NRG3: variants seen among roughly 807,000 people sequenced by gnomAD.
NRG3 encodes neuregulin 3, also known as pro-neuregulin-3, membrane-bound isoform.
A neutral mutation model predicts 66.9 loss-of-function variants in NRG3; 31 were observed. That is an observed-to-expected ratio of 0.46 (90% CI 0.35 to 0.63). The LOEUF (loss-of-function observed/expected upper bound fraction) is 0.63, where lower values mean the gene tolerates loss of function less well. Among genes scored for constraint, NRG3 ranks in the 20% least tolerant of loss-of-function variants. NRG3 has a pLI of 0.00. For missense variants in NRG3, 910 were observed against 878.9 expected (o/e 1.04, Z -0.45); for synonymous variants, 393 against 359.4 (o/e 1.09, Z -1.06).
At chr10:82,174,132 C>T (rs1331060927) in intron 1 of NRG3, among the ~76,000 whole-genome samples, 1 of 152,032 alleles carries the variant, frequency 6.6e-6, no homozygotes, top group Admixed American at 6.6e-5. Context: ...AGAAGAACTG[C>T]TTCTAAAACC....
At chr10:82,881,752 C>T (rs955718868) in intron 4 of NRG3, among the ~76,000 whole-genome samples, 1 of 152,098 alleles carries the variant, frequency 6.6e-6, no homozygotes, top group African/African-American at 2.4e-5. Flanking sequence ...CAATGTCCAC[C>T]GCTGATGGTT....
rs1399734325 is a variant in NRG3 at position 82,772,303 on chromosome 10, T to C, written c.1027+33653T>C. 8.4e-5 allele frequency among the ~76,000 whole-genome samples: 5 copies of C among 59,860 alleles called. No individual in the cohort carries two copies. In the East Asian group the frequency reaches 2.7e-3, roughly 32 times the overall value. 39.3% of individuals were successfully genotyped at this position (59,860 alleles called of 152,430 possible). A position where few individuals can be genotyped will look rare whatever the true frequency, so the allele number is the denominator to read the frequency against. On this transcript the variant is annotated intron_variant, in intron 3 of 8. Transcript: ENST00000372141. Reference sequence around the variant, plus strand: ...GGAGTCAGAAAACATATAGTTACTTTTCATTCATTCATTCATTCATTCATT... The same window carrying C: ...GGAGTCAGAAAACATATAGTTACTTCTCATTCATTCATTCATTCATTCATT...
chr10:82,332,698 G>A (rs990586113), intron 1 of NRG3, among the ~76,000 whole-genome samples: 8 of 152,162 alleles, frequency 5.3e-5, no homozygotes, highest in Non-Finnish European at 1.0e-4. Context: ...ACTGGCATGA[G>A]ATCAATATCA....
In NRG3 at chr10:82,123,016, A is replaced by AC. The variant is rs1554829312; in HGVS notation, c.824-235722dup. Reference sequence around the variant, plus strand: ...ATTACTTTGGCAGTGAAAAAAAAAAACACATAAGAACACCAAGTGAAAAGC... The same window carrying AC: ...ATTACTTTGGCAGTGAAAAAAAAAAACCACATAAGAACACCAAGTGAAAAGC... On this transcript the variant is annotated intron_variant, in intron 1 of 8. Coordinates refer to ENST00000372141, the MANE Select transcript of NRG3 (RefSeq NM_001010848.4). 1.0e-4 allele frequency among the ~76,000 whole-genome samples: 15 copies of AC among 149,904 alleles called. 1 individual carries two copies. Among genetic ancestry groups the AC allele is most frequent in the Admixed American group, 7.3e-4 (11 of 15,012 alleles).
At chr10:82,399,417 T>A (rs1250410777) in intron 2 of NRG3, among the ~76,000 whole-genome samples, 1 of 152,208 alleles carries the variant, frequency 6.6e-6, no homozygotes, top group Non-Finnish European at 1.5e-5. Flanking sequence ...ACTAGGAGTA[T>A]CAATAGGCAA....
At chr10:82,128,974 C>T (rs990598974) in intron 1 of NRG3, among the ~76,000 whole-genome samples, 5 of 151,734 alleles carry the variant, frequency 3.3e-5, no homozygotes, top group Admixed American at 2.6e-4. Context: ...AGTGCAGTGG[C>T]GTGATATCGG....
At chr10:82,047,466 AT>A (rs1273233453) in intron 1 of NRG3, among the ~76,000 whole-genome samples, 2 of 152,116 alleles carry the variant, frequency 1.3e-5, no homozygotes, top group Non-Finnish European at 2.9e-5. Flanking sequence ...AAAGGAAAGA[AT>A]TTTCAACCCA....
intron 1 of NRG3, among the ~76,000 whole-genome samples, chr10:82,338,763 G>A (rs2082523193): frequency 3.9e-5 from 6 of 152,124 alleles, no homozygotes; most frequent in Non-Finnish European, 5.9e-5. Context: ...TTTAGGCTTC[G>A]TGAAACCCCA....
At chr10:81,877,641 A>G in intron 1 of NRG3, 1 of 1,197,198 alleles carries the variant, frequency 8.4e-7, no homozygotes, top group Non-Finnish European at 1.0e-6. Context: ...AAAAAAGCAA[A>G]CCTACTTTGC....
chr10:82,822,232 C>T lies in NRG3; in HGVS notation c.1028-43179C>T, dbSNP rs138507914. On this transcript the variant is annotated intron_variant, in intron 3 of 8. Coordinates refer to ENST00000372141, the MANE Select transcript of NRG3 (RefSeq NM_001010848.4). ...ACCTGCCCAAAGAATAATGTGGGAC[C>T]GTGCTTCAGCACCACATTCCAGAAC... Among the ~76,000 whole-genome samples the T allele has an allele frequency of 3.5e-3, 538 of 152,188 alleles. 6 individuals are homozygous for T. The highest frequency in any genetic ancestry group is 4.3e-3 in the Admixed American group (65 of 15,282).
chr10:82,479,645 CAA>C (rs968746811), intron 2 of NRG3, among the ~76,000 whole-genome samples: 20 of 101,970 alleles, frequency 2.0e-4, no homozygotes, highest in Non-Finnish European at 3.0e-4. Context: ...GCATGGACAA[CAA>C]GAGCAAAACT....
intron 1 of NRG3, among the ~76,000 whole-genome samples, chr10:81,907,874 G>C (rs986886944): frequency 6.6e-6 from 1 of 152,256 alleles, no homozygotes; most frequent in South Asian, 2.1e-4. Context: ...TTTGATATTA[G>C]AGATGGTATC....
intron 2 of NRG3, among the ~76,000 whole-genome samples, chr10:82,481,097 C>T (rs1373897872): frequency 6.6e-6 from 1 of 152,212 alleles, no homozygotes; most frequent in Admixed American, 6.5e-5. Flanking sequence ...CTGTCATTCC[C>T]AGCTACCATC....
chr10:82,139,913 T>G (rs1451852756), intron 1 of NRG3, among the ~76,000 whole-genome samples: 1 of 36,720 alleles, frequency 2.7e-5, no homozygotes, highest in Non-Finnish European at 5.6e-5. Context: ...ATCACCAGAT[T>G]TGTTAGTCTC....
intron 3 of NRG3, among the ~76,000 whole-genome samples, chr10:82,832,804 T>TTGTGTGTGTG (rs139438548): frequency 3.2e-4 from 47 of 148,008 alleles, no homozygotes; most frequent in Middle Eastern, 3.5e-3. Flanking sequence ...ATGCATGTAA[T>TTGTGTGTGTG]TGTGTGTGTG....
At chr10:82,429,580 A>G (rs2089663215) in intron 2 of NRG3, among the ~76,000 whole-genome samples, 2 of 152,208 alleles carry the variant, frequency 1.3e-5, no homozygotes, top group South Asian at 2.1e-4. Context: ...CAGTTTGACT[A>G]TGATGTATTT....
At chr10:82,591,971 G>A (rs533095615) in intron 2 of NRG3, among the ~76,000 whole-genome samples, 1 of 152,232 alleles carries the variant, frequency 6.6e-6, no homozygotes, top group African/African-American at 2.4e-5. Context: ...TGCCAACAAA[G>A]CATTTCTGGG....
At chr10:82,277,974 A>G (rs1480004920) in intron 1 of NRG3, among the ~76,000 whole-genome samples, 1 of 152,088 alleles carries the variant, frequency 6.6e-6, no homozygotes, top group Non-Finnish European at 1.5e-5. Context: ...ATTTCTTGCC[A>G]TAATACTTCT....
intron 1 of NRG3, among the ~76,000 whole-genome samples, chr10:82,182,156 CT>C (rs1309280355): frequency 2.7e-5 from 4 of 150,242 alleles, no homozygotes; most frequent in African/African-American, 9.8e-5. Context: ...TCTGTATAGT[CT>C]TTTGTAGGCA....
Sources: allele counts gnomAD v4.1 joint callset (sites outside exome capture counted in the v4.1 genomes callset), GRCh38; gene constraint gnomAD v4.1.1; transcripts MANE v1.5; gene names NCBI Gene and HGNC (gene_info 2026-07-23, HGNC 2026-07-21).